Variants in ZNF365 observed in about 807,000 individuals in gnomAD.
ZNF365 encodes the protein zinc finger protein 365, also known as protein ZNF365.
A neutral mutation model predicts 35.0 loss-of-function variants in ZNF365; 22 were observed. That is an observed-to-expected ratio of 0.63 (90% confidence interval 0.45 to 0.90). The LOEUF (loss-of-function observed/expected upper bound fraction) is 0.90. ZNF365 is among the 40% of genes least tolerant of loss of function. The pLI is 0.00. For synonymous variants in ZNF365, 188 were observed against 196.2 expected (o/e 0.96, Z 0.35); for missense variants, 448 against 500.3 (o/e 0.90, Z 1.00).
chr10:62,379,005 G>A (rs944790270), intron 2 of ZNF365, among the ~76,000 whole-genome samples: 4 of 151,390 alleles, frequency 2.6e-5, no homozygotes, highest in African/African-American at 9.7e-5. Context: ...GAGTATGCCT[G>A]AGGATAAATT....
chr10:62,459,894 C>T (rs1840819901), intron 4 of ZNF365: 1 of 1,055,586 alleles, frequency 9.5e-7, no homozygotes, highest in East Asian at 2.6e-5. Flanking sequence ...GCGCAGCAGG[C>T]CATTGGTTTC....
chr10:62,392,922 G>A (rs749667144), intron 3 of ZNF365, among the ~76,000 whole-genome samples: 18 of 152,154 alleles, frequency 1.2e-4, no homozygotes, highest in Admixed American at 3.3e-4. Context: ...GTGAGCCACC[G>A]CACCCGGCCC....
chr10:62,420,973 G>T (rs1236478454), intron 3 of ZNF365, among the ~76,000 whole-genome samples: 9 of 140,342 alleles, frequency 6.4e-5, no homozygotes, highest in East Asian at 6.2e-4. Flanking sequence ...TGTAGAGATG[G>T]TTTTTTTTTT....
chr10:62,392,423 A>G (rs1321694387), intron 3 of ZNF365, among the ~76,000 whole-genome samples: 2 of 152,184 alleles, frequency 1.3e-5, no homozygotes, highest in African/African-American at 4.8e-5. Context: ...GTATAAGGTG[A>G]GAGATGAAGA....
chr10:62,468,503 C>T (rs1351461822), intron 4 of ZNF365, among the ~76,000 whole-genome samples: 2 of 152,122 alleles, frequency 1.3e-5, no homozygotes, highest in Admixed American at 1.3e-4. Flanking sequence ...ATCAGAGCAA[C>T]ATGAATTCTG....
intron 3 of ZNF365, among the ~76,000 whole-genome samples, chr10:62,437,326 A>G (rs955175278): frequency 2.6e-5 from 4 of 152,182 alleles, no homozygotes; most frequent in Non-Finnish European, 5.9e-5. Flanking sequence ...TCTGAAATTT[A>G]TCTAAAAAAG....
At chr10:62,394,174 T>C (rs567387871) in intron 3 of ZNF365, among the ~76,000 whole-genome samples, 244 of 152,330 alleles carry the variant, frequency 1.6e-3, no homozygotes, top group African/African-American at 5.4e-3. Flanking sequence ...TCAGCATTCC[T>C]AATCCAAAAT....
rs1220534196 is a variant in ZNF365, at chr10:62,376,833, C to T, written c.640C>T (p.Arg214Ter). 9 of 1,614,004 alleles carry T rather than the reference C, an allele frequency of 5.6e-6. No individual in the cohort carries two copies. Among genetic ancestry groups the T allele is most frequent in the Admixed American group, 1.7e-5 (1 of 60,006 alleles). Residue 214 changes from arginine (R) to a stop codon, truncating the protein, a stop_gained, in exon 2 of 5, where the codon CGA (arginine) becomes TGA (stop). Transcript: ENST00000395254. LOFTEE classifies it high-confidence loss of function. The stretch of plus-strand genomic sequence containing the variant: ...TCAGAAAAAGCAGGAAGTTCAGAGA[C>T]GAGAGCGGGCCTTAAACAGACAGGT... ...LTQKKQEVQR[R>*]ERALNRQVDV...
chr10:62,414,568 C>T (rs139364260), intron 3 of ZNF365, among the ~76,000 whole-genome samples: 1 of 152,150 alleles, frequency 6.6e-6, no homozygotes, highest in African/African-American at 2.4e-5. Context: ...GCCAATTGTA[C>T]TACCTGGTGG....
In ZNF365 at chr10:62,451,530, G is replaced by A. The variant is rs943975589; in HGVS notation, c.925-8211G>A. Among the ~76,000 whole-genome samples, 7 of 152,128 alleles carry A rather than the reference G, an allele frequency of 4.6e-5. No individual in the cohort carries two copies. In the South Asian group the frequency reaches 8.3e-4, roughly 18 times the overall value. ...CCAGTTCCTACTCAAGGCCCACTGA[G>A]GCATTCACCACCTGCCTCTGGAGAG... On this transcript the variant is annotated intron_variant, in intron 3 of 4. Coordinates refer to the ZNF365 transcript ENST00000395255.
chr10:62,454,553 T>C (rs1589462828), intron 3 of ZNF365, among the ~76,000 whole-genome samples: 1 of 152,018 alleles, frequency 6.6e-6, no homozygotes, highest in African/African-American at 2.4e-5. Flanking sequence ...CCAAGAAAGC[T>C]TGAGAACCTC....
At chr10:62,410,028 C>A (rs1259310733) in intron 3 of ZNF365, among the ~76,000 whole-genome samples, 1 of 152,142 alleles carries the variant, frequency 6.6e-6, no homozygotes, top group African/African-American at 2.4e-5. Flanking sequence ...TCAACAGAAT[C>A]CCTGACTTAG....
Position 62,419,265 on chromosome 10 carries a change from G to C in ZNF365, c.924+30689G>C, listed in dbSNP as rs186284053. Among the ~76,000 whole-genome samples, 352 of 152,152 alleles carry C rather than the reference G, an allele frequency of 2.3e-3. 1 individual carries two copies. The highest frequency in any genetic ancestry group is 8.1e-3 in the African/African-American group (335 of 41,532). On this transcript the variant is annotated intron_variant, in intron 3 of 4. Coordinates refer to the ZNF365 transcript ENST00000395255. The stretch of plus-strand genomic sequence containing the variant: ...TATACAGTTGGATTAATCTTACTAT[G>C]TTTGCAAACTTAGACAAGTTACTTA...
intron 3 of ZNF365, among the ~76,000 whole-genome samples, chr10:62,411,705 G>T (rs1389266683): frequency 6.6e-6 from 1 of 152,024 alleles, no homozygotes; most frequent in Non-Finnish European, 1.5e-5. Context: ...TTGAAGTTGG[G>T]TAGCATGGTG....
chr10:62,404,980 C>G (rs1839884106), downstream of ZNF365, among the ~76,000 whole-genome samples: 1 of 152,172 alleles, frequency 6.6e-6, no homozygotes, highest in South Asian at 2.1e-4. Context: ...GTACAATTTT[C>G]TACTCTCAGC....
intron 3 of ZNF365, among the ~76,000 whole-genome samples, chr10:62,412,543 C>A (rs1432266742): frequency 6.6e-6 from 1 of 152,060 alleles, no homozygotes; most frequent in Non-Finnish European, 1.5e-5. Context: ...ATCATCTCAG[C>A]CCAAAATCTT....
At chr10:62,434,445 G>T (rs1258486731) in intron 3 of ZNF365, among the ~76,000 whole-genome samples, 1 of 152,124 alleles carries the variant, frequency 6.6e-6, no homozygotes, top group Non-Finnish European at 1.5e-5. Flanking sequence ...TGTTGTCCCT[G>T]CTCTAAATTG....
intron 3 of ZNF365, among the ~76,000 whole-genome samples, chr10:62,425,838 GA>G (rs1248975916): frequency 6.6e-5 from 10 of 152,150 alleles, no homozygotes; most frequent in Admixed American, 3.3e-4. Context: ...TGAAGGCAGG[GA>G]ATATGGTGCT....
intron 3 of ZNF365, among the ~76,000 whole-genome samples, chr10:62,431,080 A>G (rs1361189519): frequency 6.6e-6 from 1 of 152,224 alleles, no homozygotes; most frequent in Non-Finnish European, 1.5e-5. Context: ...CAAATGCTTC[A>G]CCATCTGTCT....
Sources: allele counts gnomAD v4.1 joint callset (sites outside exome capture counted in the v4.1 genomes callset), GRCh38; gene constraint gnomAD v4.1.1; transcripts MANE v1.5; gene names NCBI Gene and HGNC (gene_info 2026-07-23, HGNC 2026-07-21).